PHF21A: variants seen among roughly 807,000 people sequenced by gnomAD.
PHF21A encodes BHC80a.
A neutral mutation model predicts 82.5 loss-of-function variants in PHF21A; 11 were observed. The ratio of observed to expected loss-of-function variants is 0.13; its 90% CI spans 0.08 to 0.22. The LOEUF (loss-of-function observed/expected upper bound fraction) is 0.22. PHF21A is among the 10% of genes least tolerant of loss of function. PHF21A has a pLI of 1.00. For missense variants in PHF21A, 579 were observed against 837.8 expected (o/e 0.69, Z 3.81); for synonymous variants, 297 against 302.8 (o/e 0.98, Z 0.20).
intron 4 of PHF21A, among the ~76,000 whole-genome samples, chr11:46,082,899 T>A (rs911673879): frequency 6.6e-6 from 1 of 152,120 alleles, no homozygotes; most frequent in African/African-American, 2.4e-5. Context: ...TCAATACTTC[T>A]TCAGAGGAGG....
At chr11:46,024,566 G>A (rs568252940) in intron 6 of PHF21A, among the ~76,000 whole-genome samples, 7 of 152,194 alleles carry the variant, frequency 4.6e-5, no homozygotes, top group East Asian at 1.9e-4. Flanking sequence ...TTGGGAGGCC[G>A]AGGCAGGTGG....
intron 6 of PHF21A, among the ~76,000 whole-genome samples, chr11:45,983,091 C>G (rs946089586): frequency 2.0e-5 from 3 of 151,912 alleles, no homozygotes; most frequent in African/African-American, 7.3e-5. Context: ...GCAAGGGATG[C>G]GGGCTAGAGT....
intron 6 of PHF21A, among the ~76,000 whole-genome samples, chr11:45,988,754 G>T (rs1412758599): frequency 1.3e-5 from 2 of 152,110 alleles, no homozygotes; most frequent in Non-Finnish European, 1.5e-5. Flanking sequence ...GCCAGGCATG[G>T]TGGTGGCACA....
At chr11:46,114,894 T>C (rs1252435042) in intron 1 of PHF21A, among the ~76,000 whole-genome samples, 3 of 152,218 alleles carry the variant, frequency 2.0e-5, no homozygotes, top group Non-Finnish European at 4.4e-5. Flanking sequence ...ACCCATCTTT[T>C]TGGCTTCTGT....
chr11:45,957,134 T>C (rs1186194326), intron 10 of PHF21A, among the ~76,000 whole-genome samples: 2 of 152,086 alleles, frequency 1.3e-5, no homozygotes, highest in African/African-American at 2.4e-5. Flanking sequence ...CCAAAATATA[T>C]GAAGAAACTA....
Position 46,121,398 on chromosome 11 carries a change from C to T in PHF21A, c.-700G>A, listed in dbSNP as rs1401236647. The stretch of plus-strand genomic sequence containing the variant: ...CCCAACTCTTCATCCTCCTCCTCCT[C>T]TCAGCAGCAGCAGCGAGCACCACCA... On this transcript the variant is annotated 5_prime_UTR_variant, in exon 1 of 19. Transcript: ENST00000676320. Among the ~76,000 whole-genome samples the T allele has an allele frequency of 6.6e-6, 1 of 151,422 alleles. No homozygotes were observed. The highest frequency in any genetic ancestry group is 2.4e-5 in the African/African-American group (1 of 41,284).
intron 10 of PHF21A, among the ~76,000 whole-genome samples, chr11:45,955,036 T>C (rs912622380): frequency 3.3e-5 from 5 of 152,260 alleles, no homozygotes; most frequent in Admixed American, 1.3e-4. Context: ...TTATCAATAC[T>C]GTGGCAACCA....
chr11:45,995,897 C>T (rs767989452), intron 6 of PHF21A, among the ~76,000 whole-genome samples: 4 of 151,788 alleles, frequency 2.6e-5, no homozygotes, highest in Non-Finnish European at 4.4e-5. Flanking sequence ...ATATTCAAAC[C>T]CCAAATTCAT....
At chr11:45,963,574 A>C (rs2093251880) in intron 10 of PHF21A, among the ~76,000 whole-genome samples, 1 of 152,196 alleles carries the variant, frequency 6.6e-6, no homozygotes, top group Admixed American at 6.5e-5. Flanking sequence ...ATATTTTTGT[A>C]ATGTTTGAAT....
chr11:46,049,890 A>G (rs1323722653), intron 6 of PHF21A, among the ~76,000 whole-genome samples: 1 of 152,240 alleles, frequency 6.6e-6, no homozygotes, highest in Non-Finnish European at 1.5e-5. Context: ...AAAGCAACAG[A>G]ATCAAGAGAT....
intron 17 of PHF21A, 37 bp downstream of exon 17, chr11:45,936,457 G>A (rs2089075252): frequency 8.2e-7 from 1 of 1,213,386 alleles, no homozygotes; most frequent in Admixed American, 2.0e-5. Context: ...CAAACAAGGG[G>A]AAGCTTACAA....
chr11:45,975,367 T>TAAAAC (rs1220622677), intron 7 of PHF21A, among the ~76,000 whole-genome samples: 72 of 120,588 alleles, frequency 6.0e-4, no homozygotes, highest in Admixed American at 1.5e-3. Context: ...TAAAATAAAA[T>TAAAAC]AAAATAAAAT....
intron 1 of PHF21A, among the ~76,000 whole-genome samples, chr11:46,113,173 T>C (rs184828216): frequency 2.0e-5 from 3 of 152,360 alleles, no homozygotes; most frequent in African/African-American, 7.2e-5. Flanking sequence ...AATCTGAAGT[T>C]AAGCAAAAAC....
chr11:46,082,331 C>A (rs1486620779), intron 4 of PHF21A, among the ~76,000 whole-genome samples: 2 of 152,156 alleles, frequency 1.3e-5, no homozygotes, highest in Non-Finnish European at 2.9e-5. Context: ...TATGTTCTGG[C>A]TTTGGTCTCA....
At chr11:46,018,929 C>A (rs1269161140) in intron 6 of PHF21A, among the ~76,000 whole-genome samples, 1 of 151,982 alleles carries the variant, frequency 6.6e-6, no homozygotes, top group African/African-American at 2.4e-5. Flanking sequence ...CTTTTTATGA[C>A]AAAATCAATG....
At chr11:46,089,802 GA>G (rs1206687047) in intron 3 of PHF21A, among the ~76,000 whole-genome samples, 2 of 111,032 alleles carry the variant, frequency 1.8e-5, no homozygotes, top group African/African-American at 7.0e-5. Flanking sequence ...ATTTGTTTTG[GA>G]GGGGGTGGGG....
chr11:46,084,294 T>C lies in PHF21A; in HGVS notation c.-75A>G. ...TGTTTAAAGTAACAAACTCCTCTTC[T>C]CACTGCAGCTGTAAAGATCATAAAA... On this transcript the variant is annotated 5_prime_UTR_variant, in exon 4 of 19. It removes the in-frame stop codon of an upstream open reading frame in the 5' UTR. Transcript: ENST00000676320. The C allele has an allele frequency of 4.0e-6, 4 of 1,000,338 alleles. No homozygotes were observed. The highest frequency in any genetic ancestry group is 4.5e-6 in the Non-Finnish European group (3 of 661,634). 62.0% of individuals were successfully genotyped at this position (1,000,338 alleles called of 1,614,324 possible). A position where few individuals can be genotyped will look rare whatever the true frequency, so the allele number is the denominator to read the frequency against.
At chr11:45,997,267 C>T (rs1299848116) in intron 6 of PHF21A, among the ~76,000 whole-genome samples, 1 of 152,162 alleles carries the variant, frequency 6.6e-6, no homozygotes, top group South Asian at 2.1e-4. Context: ...TACAAACTTA[C>T]ATTGCTGTAT....
At chr11:46,070,334 T>C (rs2096641565) in intron 6 of PHF21A, among the ~76,000 whole-genome samples, 1 of 152,056 alleles carries the variant, frequency 6.6e-6, no homozygotes, top group Admixed American at 6.6e-5. Context: ...ATGGTGACTA[T>C]AATTTTTTTT....
Sources: allele counts gnomAD v4.1 joint callset (sites outside exome capture counted in the v4.1 genomes callset), GRCh38; gene constraint gnomAD v4.1.1; transcripts MANE v1.5; gene names NCBI Gene and HGNC (gene_info 2026-07-23, HGNC 2026-07-21).